The following FER1L6 variants were observed in gnomAD, a reference collection of about 807,000 sequenced individuals.
The protein encoded by FER1L6 is fer-1 like family member 6.
FER1L6 carries 177 observed loss-of-function variants against 219.2 expected under a neutral mutation model. That is an observed-to-expected ratio of 0.81 (90% CI 0.71 to 0.91). The LOEUF (loss-of-function observed/expected upper bound fraction) is 0.91, where lower values mean the gene tolerates loss of function less well. FER1L6 is among the 40% of genes least tolerant of loss of function. FER1L6 has a pLI of 0.00. For missense variants in FER1L6, 2,153 were observed against 2,259.9 expected, an observed-to-expected ratio of 0.95 and a Z score of 0.96; for synonymous variants, 768 against 824.3, an observed-to-expected ratio of 0.93 and a Z score of 1.17.
intron 13 of FER1L6, among the ~76,000 whole-genome samples, chr8:124,006,551 G>T (rs1817662881): frequency 6.6e-6 from 1 of 152,152 alleles, no homozygotes; most frequent in African/African-American, 2.4e-5. Context: ...CAATTTATTT[G>T]TTGCCCCCAT....
chr8:124,085,486 C>A (rs181385046), intron 33 of FER1L6, among the ~76,000 whole-genome samples: 1 of 151,824 alleles, frequency 6.6e-6, no homozygotes, highest in Admixed American at 6.6e-5. Context: ...GTCCCACTGG[C>A]CATTCAGGAG....
chr8:124,011,405 G>GA (rs1353427970), intron 14 of FER1L6, among the ~76,000 whole-genome samples: 1 of 152,118 alleles, frequency 6.6e-6, no homozygotes, highest in African/African-American at 2.4e-5. Context: ...ACTCAGGCTG[G>GA]AATGCAGTGG....
At chr8:124,045,225 C>T (rs1450385713) in intron 20 of FER1L6, among the ~76,000 whole-genome samples, 3 of 152,216 alleles carry the variant, frequency 2.0e-5, no homozygotes, top group African/African-American at 7.2e-5. Context: ...ATAATATTAG[C>T]ATCTACATGG....
rs56813553 is a variant in FER1L6 at position 124,081,168 on chromosome 8, T to A, written c.4221-1120T>A. ...CTCCTTCCTCCCCCTCCTCTTTGTCTATCGCTCCCAGCCCAGTTCATCCTG... is the reference window on the plus strand; with the variant it reads ...CTCCTTCCTCCCCCTCCTCTTTGTCAATCGCTCCCAGCCCAGTTCATCCTG... On this transcript the variant is annotated intron_variant, in intron 32 of 40. Transcript: ENST00000522917. Among the ~76,000 whole-genome samples the A allele has an allele frequency of 4.6e-5, 7 of 152,146 alleles. No individual in the cohort carries two copies. The South Asian group carries it at 1.5e-3, about 32-fold the overall frequency.
intron 1 of FER1L6, among the ~76,000 whole-genome samples, chr8:123,859,259 C>T (rs1471718253): frequency 1.3e-5 from 2 of 152,194 alleles, no homozygotes; most frequent in African/African-American, 4.8e-5. Context: ...CCTTGGCTTC[C>T]CAAAGTGCTG....
At chr8:123,890,724 C>A (rs991412888) in intron 1 of FER1L6, among the ~76,000 whole-genome samples, 1 of 133,748 alleles carries the variant, frequency 7.5e-6, no homozygotes, top group Non-Finnish European at 1.6e-5. Flanking sequence ...AAACCAACAA[C>A]AAGAAAATCC....
At chr8:123,995,008 A>G (rs1321131664) in intron 12 of FER1L6, among the ~76,000 whole-genome samples, 2 of 152,236 alleles carry the variant, frequency 1.3e-5, no homozygotes, top group Non-Finnish European at 2.9e-5. Context: ...TGTATATCCC[A>G]GAGGCAATTT....
intron 1 of FER1L6, among the ~76,000 whole-genome samples, chr8:123,878,214 CT>C (rs1817043242): frequency 6.6e-6 from 1 of 152,112 alleles, no homozygotes; most frequent in South Asian, 2.1e-4. Flanking sequence ...AAGACACGTG[CT>C]GTGCTGGCTG....
intron 1 of FER1L6, among the ~76,000 whole-genome samples, chr8:123,855,334 G>T (rs1670658468): frequency 6.6e-6 from 1 of 152,164 alleles, no homozygotes; most frequent in Admixed American, 6.5e-5. Context: ...GCGAGCTCCT[G>T]GCAGGCAGGG....
At chr8:124,106,335 A>C (rs1324373756) in intron 39 of FER1L6, among the ~76,000 whole-genome samples, 5 of 12,472 alleles carry the variant, frequency 4.0e-4, no homozygotes, top group African/African-American at 6.0e-4. Flanking sequence ...TCTCAAAAAA[A>C]AAAAAAAAAA....
At chr8:123,964,605 A>AT (rs1367046115) in intron 3 of FER1L6, among the ~76,000 whole-genome samples, 4 of 152,142 alleles carry the variant, frequency 2.6e-5, no homozygotes, top group Non-Finnish European at 5.9e-5. Context: ...GATTTCAGTC[A>AT]TTTTTTAATA....
chr8:123,910,885 G>A (rs745921268), intron 1 of FER1L6, among the ~76,000 whole-genome samples: 8 of 152,194 alleles, frequency 5.3e-5, no homozygotes, highest in Non-Finnish European at 1.0e-4. Context: ...GCATGAAATT[G>A]ATGGTCAGGT....
At chr8:123,930,761 A>G (rs955576784) in intron 1 of FER1L6, among the ~76,000 whole-genome samples, 2 of 152,182 alleles carry the variant, frequency 1.3e-5, no homozygotes, top group Non-Finnish European at 2.9e-5. Context: ...CATGTACAAC[A>G]CTGGGCAGAG....
intron 2 of FER1L6, among the ~76,000 whole-genome samples, chr8:123,958,513 T>G (rs1815119442): frequency 6.6e-6 from 1 of 151,630 alleles, no homozygotes; most frequent in Non-Finnish European, 1.5e-5. Context: ...TTTTGGGGGG[T>G]GCCTAGGAGT....
At chr8:123,955,827 G>A (rs1383135975) in intron 1 of FER1L6, among the ~76,000 whole-genome samples, 165 bp from the exon 2 acceptor site, 2 of 152,166 alleles carry the variant, frequency 1.3e-5, no homozygotes, top group African/African-American at 4.8e-5. Flanking sequence ...AGAGCTCCCT[G>A]GAGAGCTTGT....
At chr8:124,049,195 G>T (rs926288023) in intron 21 of FER1L6, among the ~76,000 whole-genome samples, 2 of 152,046 alleles carry the variant, frequency 1.3e-5, no homozygotes, top group East Asian at 3.9e-4. Flanking sequence ...CTACAGGTGT[G>T]CACCACCATG....
intron 12 of FER1L6, among the ~76,000 whole-genome samples, chr8:123,988,838 C>G (rs1816717161): frequency 6.6e-6 from 1 of 152,158 alleles, no homozygotes; most frequent in Non-Finnish European, 1.5e-5. Context: ...TCTGATTTCT[C>G]TCTCTAGGAC....
chr8:123,860,171 C>T (rs1816722901), intron 1 of FER1L6, among the ~76,000 whole-genome samples: 1 of 82,088 alleles, frequency 1.2e-5, no homozygotes, highest in African/African-American at 5.5e-5. Flanking sequence ...TGATATTCCC[C>T]TTCCTGTGTC....
At chr8:124,003,678 A>G (rs1817524910) in intron 13 of FER1L6, among the ~76,000 whole-genome samples, 2 of 151,958 alleles carry the variant, frequency 1.3e-5, no homozygotes, top group South Asian at 2.1e-4. Flanking sequence ...TGTGTTGGCC[A>G]GGATGGTCTC....
Sources: allele counts gnomAD v4.1 joint callset (sites outside exome capture counted in the v4.1 genomes callset), GRCh38; gene constraint gnomAD v4.1.1; transcripts MANE v1.5; gene names NCBI Gene and HGNC (gene_info 2026-07-23, HGNC 2026-07-21).